Variants in DTNB observed in about 807,000 individuals in gnomAD.
DTNB encodes the protein dystrobrevin beta.
A neutral mutation model predicts 90.7 loss-of-function variants in DTNB; 63 were observed. The observed-to-expected ratio is 0.69, with a 90% CI of 0.57 to 0.86. DTNB has a LOEUF of 0.86. Ranked by LOEUF, DTNB falls within the 40% of genes least tolerant of loss-of-function variation. DTNB has a pLI of 0.00. For missense variants in DTNB, 744 were observed against 807.1 expected (o/e 0.92, Z 0.95); for synonymous variants, 277 against 286.7 (o/e 0.97, Z 0.34).
chr2:25,439,365 T>C (rs2056812990), intron 12 of DTNB, among the ~76,000 whole-genome samples: 1 of 151,842 alleles, frequency 6.6e-6, no homozygotes, highest in Non-Finnish European at 1.5e-5. Flanking sequence ...TAACCAGGCT[T>C]GGTGGCGCGT....
chr2:25,573,936 T>A (rs2060266239), intron 8 of DTNB, among the ~76,000 whole-genome samples: 2 of 152,230 alleles, frequency 1.3e-5, no homozygotes, highest in Admixed American at 1.3e-4. Context: ...AGGACCCAGT[T>A]ACCTTTCGCT....
At chr2:25,430,728 G>A (rs2053586381) in intron 14 of DTNB, among the ~76,000 whole-genome samples, 1 of 152,214 alleles carries the variant, frequency 6.6e-6, no homozygotes, top group South Asian at 2.1e-4. Flanking sequence ...TGGAGGCAAG[G>A]AAATGGGGTA....
intron 10 of DTNB, among the ~76,000 whole-genome samples, chr2:25,456,043 A>G (rs867747282): frequency 3.0e-4 from 45 of 152,238 alleles, no homozygotes; most frequent in African/African-American, 9.9e-4. Context: ...AACTCATTAG[A>G]ACTGCGCCTA....
chr2:25,432,987 C>T lies in DTNB; in HGVS notation c.1356G>A (p.Gln452=). The change falls in exon 14 of 21, where the codon CAG becomes CAA. Residue 452 remains glutamine, a synonymous_variant. Coordinates refer to ENST00000406818, the MANE Select transcript of DTNB (RefSeq NM_021907.5). ...GTTCCAGGCGGAGACGCTGAATCTC[C>T]TGCAGGATCTCTCTAGAGAGGATGG... The part of the protein sequence containing the change: ...ELENKNREIL[Q]EIQRLRLEHE... 1.2e-6 allele frequency: 2 copies of T among 1,606,720 alleles called. No individual in the cohort carries two copies. Among genetic ancestry groups the T allele is most frequent in the Non-Finnish European group, 1.7e-6 (2 of 1,177,750 alleles).
At chr2:25,629,735 C>T (rs1366224882) in intron 3 of DTNB, among the ~76,000 whole-genome samples, 1 of 152,074 alleles carries the variant, frequency 6.6e-6, no homozygotes, top group African/African-American at 2.4e-5. Context: ...ACACAACAAA[C>T]TAAAAACAGA....
chr2:25,421,997 G>A (rs980544535), intron 15 of DTNB, among the ~76,000 whole-genome samples: 4 of 152,154 alleles, frequency 2.6e-5, no homozygotes, highest in African/African-American at 9.7e-5. Flanking sequence ...GGATAGTGTT[G>A]TATAATTTAA....
intron 9 of DTNB, among the ~76,000 whole-genome samples, chr2:25,516,583 T>G (rs1023217721): frequency 3.3e-5 from 5 of 151,334 alleles, no homozygotes; most frequent in African/African-American, 1.2e-4. Flanking sequence ...GTTTGGCAGT[T>G]TCTTAAAATA....
chr2:25,564,247 T>C (rs912436451), intron 8 of DTNB, among the ~76,000 whole-genome samples: 2 of 152,344 alleles, frequency 1.3e-5, no homozygotes, highest in African/African-American at 4.8e-5. Context: ...TATGGGGTTA[T>C]GCAGAAAAGC....
At chr2:25,619,627 T>C (rs1233330852) in intron 4 of DTNB, among the ~76,000 whole-genome samples, 3 of 152,198 alleles carry the variant, frequency 2.0e-5, no homozygotes, top group African/African-American at 7.2e-5. Context: ...TGAACACTTA[T>C]GAAGCAGTTT....
chr2:25,621,520 C>T (rs1354140048), intron 4 of DTNB, among the ~76,000 whole-genome samples: 1 of 148,548 alleles, frequency 6.7e-6, no homozygotes, highest in Non-Finnish European at 1.5e-5. Context: ...GATCTCAGCT[C>T]ACCGCAACTT....
At chr2:25,579,858 AG>A (rs1318262485) in intron 7 of DTNB, among the ~76,000 whole-genome samples, 1 of 152,180 alleles carries the variant, frequency 6.6e-6, no homozygotes, top group Non-Finnish European at 1.5e-5. Context: ...AAGAGGAAGC[AG>A]GAAGTCATGG....
At chr2:25,386,376 G>A (rs2039472370) in intron 18 of DTNB, among the ~76,000 whole-genome samples, 2 of 152,200 alleles carry the variant, frequency 1.3e-5, no homozygotes, top group African/African-American at 2.4e-5. Flanking sequence ...TGGAAAAACT[G>A]CTTTATCTTT....
intron 9 of DTNB, among the ~76,000 whole-genome samples, chr2:25,526,427 C>T: frequency 7.6e-6 from 1 of 131,734 alleles, no homozygotes; most frequent in Non-Finnish European, 1.5e-5. Flanking sequence ...CAGAGTTTCA[C>T]CCTTGTCACC....
intron 9 of DTNB, among the ~76,000 whole-genome samples, chr2:25,529,234 T>C (rs1228304908): frequency 6.6e-6 from 1 of 152,162 alleles, no homozygotes; most frequent in Non-Finnish European, 1.5e-5. Context: ...TTGACAATGG[T>C]GGCATTGTAG....
chr2:25,391,737 T>C (rs1558319473), intron 16 of DTNB, among the ~76,000 whole-genome samples: 1 of 152,128 alleles, frequency 6.6e-6, no homozygotes, highest in Admixed American at 6.6e-5. Context: ...CAGACGACAT[T>C]AGAATAAAAT....
chr2:25,625,551 ATTTTTTTTTT>A (rs66586812), intron 4 of DTNB, among the ~76,000 whole-genome samples: 12 of 73,946 alleles, frequency 1.6e-4, no homozygotes, highest in African/African-American at 5.7e-4. Flanking sequence ...TAACTCACTC[ATTTTTTTTTT>A]TTTTTTTTTT....
chr2:25,555,419 A>G (rs2057163453), intron 8 of DTNB, among the ~76,000 whole-genome samples: 1 of 152,198 alleles, frequency 6.6e-6, no homozygotes, highest in African/African-American at 2.4e-5. Flanking sequence ...CTAGTTCAAA[A>G]AAGGATAACT....
chr2:25,482,005 TGGCACAAAA>T (rs1439020031), intron 10 of DTNB, among the ~76,000 whole-genome samples: 1 of 152,188 alleles, frequency 6.6e-6, no homozygotes, highest in Non-Finnish European at 1.5e-5. Context: ...TCGGTACATA[TGGCACAAAA>T]TGTATTTTTT....
At chr2:25,506,052 C>T (rs1310706962) in intron 9 of DTNB, among the ~76,000 whole-genome samples, 1 of 152,154 alleles carries the variant, frequency 6.6e-6, no homozygotes, top group African/African-American at 2.4e-5. Context: ...ACAAATATCA[C>T]ATATTCTCAG....
Sources: allele counts gnomAD v4.1 joint callset (sites outside exome capture counted in the v4.1 genomes callset), GRCh38; gene constraint gnomAD v4.1.1; transcripts MANE v1.5; gene names NCBI Gene and HGNC (gene_info 2026-07-23, HGNC 2026-07-21).